The following KCND2 variants were observed in gnomAD, a reference collection of about 807,000 sequenced individuals.
KCND2 encodes the protein potassium voltage-gated channel subfamily D member 2.
KCND2 carries 16 observed loss-of-function variants against 54.4 expected under a neutral mutation model. That is an observed-to-expected ratio of 0.29 (90% CI 0.20 to 0.45). The LOEUF (loss-of-function observed/expected upper bound fraction) is 0.45. Among genes scored for constraint, KCND2 ranks in the 20% least tolerant of loss-of-function variants. The pLI, the probability that KCND2 is intolerant of heterozygous loss-of-function variation, is 1.00. For missense variants in KCND2, 486 were observed against 824.2 expected, an observed-to-expected ratio of 0.59 and a Z score of 5.02; for synonymous variants, 317 against 310.7, an observed-to-expected ratio of 1.02 and a Z score of -0.21.
chr7:120,305,442 A>G (rs1318444636), intron 1 of KCND2, among the ~76,000 whole-genome samples: 1 of 152,170 alleles, frequency 6.6e-6, no homozygotes, highest in African/African-American at 2.4e-5. Context: ...TCTTCAACCG[A>G]GAGACAATGA....
rs192038478 is a variant in KCND2 at position 120,465,565 on chromosome 7, G to T, written c.1115+189818G>T. On this transcript the variant is annotated intron_variant, in intron 1 of 5. Coordinates refer to ENST00000331113, the MANE Select transcript of KCND2 (RefSeq NM_012281.3). ...TTTAGAGAAGAAGAAAGTGGCAAACGCAAGAAGAGTTTCAGTGAAAACCTG... is the reference window on the plus strand; with the variant it reads ...TTTAGAGAAGAAGAAAGTGGCAAACTCAAGAAGAGTTTCAGTGAAAACCTG... Among the ~76,000 whole-genome samples the T allele has an allele frequency of 2.8e-3, 424 of 152,182 alleles. 2 individuals carry two copies. Among genetic ancestry groups the T allele is most frequent in the African/African-American group, 9.8e-3 (406 of 41,544 alleles).
At position 120,509,186 on chromosome 7, in the gene KCND2, A is replaced by G. The variant is rs145113208; in HGVS notation, c.1116-223717A>G. 3.9e-5 allele frequency among the ~76,000 whole-genome samples: 6 copies of G among 152,116 alleles called. No individual in the cohort carries two copies. In the East Asian group the frequency reaches 1.2e-3, roughly 29 times the overall value. On this transcript the variant is annotated intron_variant, in intron 1 of 5. Transcript: ENST00000331113. ...AATGGGAACTGAAGGAGTGATGACTACTAAATGTGATGTGGTATTCTGGAT... is the reference window on the plus strand; with the variant it reads ...AATGGGAACTGAAGGAGTGATGACTGCTAAATGTGATGTGGTATTCTGGAT...
chr7:120,390,728 T>G (rs1489240310), intron 1 of KCND2, among the ~76,000 whole-genome samples: 1 of 151,990 alleles, frequency 6.6e-6, no homozygotes, highest in African/African-American at 2.4e-5. Flanking sequence ...GTTCATCATT[T>G]TTTACTTGCT....
At chr7:120,403,689 T>G (rs1801302842) in intron 1 of KCND2, among the ~76,000 whole-genome samples, 2 of 151,968 alleles carry the variant, frequency 1.3e-5, no homozygotes, top group Non-Finnish European at 2.9e-5. Context: ...AATTTTTAAT[T>G]TAATTAAAAC....
chr7:120,367,628 ATCTTT>A (rs1800706468), intron 1 of KCND2, among the ~76,000 whole-genome samples: 1 of 150,940 alleles, frequency 6.6e-6, no homozygotes, highest in African/African-American at 2.4e-5. Context: ...TATGGTTAAC[ATCTTT>A]TCTTTTTCTT....
chr7:120,408,097 C>T (rs1801389523), intron 1 of KCND2, among the ~76,000 whole-genome samples: 1 of 151,640 alleles, frequency 6.6e-6, no homozygotes. Context: ...ATATCTAGTC[C>T]AAAAATATTT....
Position 120,634,281 on chromosome 7 carries a change from AT to A in KCND2, c.1116-98619del. On this transcript the variant is annotated intron_variant, in intron 1 of 5. Transcript: ENST00000331113. ...CAATGCCTTCCGACACCAATATTTTATTTATACTTTTATTTGAGAAAATATT... is the reference window on the plus strand; with the variant it reads ...CAATGCCTTCCGACACCAATATTTTATTATACTTTTATTTGAGAAAATATT... Among the ~76,000 whole-genome samples the A allele has an allele frequency of 2.0e-5, 3 of 152,284 alleles. No homozygotes were observed. The South Asian group carries it at 6.2e-4, about 32-fold the overall frequency.
At chr7:120,695,030 TGATGACTA>T (rs1250043768) in intron 1 of KCND2, among the ~76,000 whole-genome samples, 1 of 152,190 alleles carries the variant, frequency 6.6e-6, no homozygotes. Flanking sequence ...TAAACTGGAT[TGATGACTA>T]GATCCTTGAT....
At chr7:120,381,874 G>T (rs758415293) in intron 1 of KCND2, among the ~76,000 whole-genome samples, 2 of 151,856 alleles carry the variant, frequency 1.3e-5, no homozygotes, top group Non-Finnish European at 2.9e-5. Flanking sequence ...AAATGAAAAG[G>T]AGAAAACAAG....
At chr7:120,411,800 T>C (rs1365114588) in intron 1 of KCND2, among the ~76,000 whole-genome samples, 1 of 151,970 alleles carries the variant, frequency 6.6e-6, no homozygotes, top group African/African-American at 2.4e-5. Context: ...GGAAATATAG[T>C]ACATTTTTTA....
At chr7:120,745,205 C>T (rs372184275) in intron 4 of KCND2, among the ~76,000 whole-genome samples, 10 of 151,992 alleles carry the variant, frequency 6.6e-5, no homozygotes, top group East Asian at 3.9e-4. Flanking sequence ...ACTTATGTAA[C>T]GAATAAGTCA....
chr7:120,347,070 A>T (rs1271433027), intron 1 of KCND2, among the ~76,000 whole-genome samples: 7 of 152,080 alleles, frequency 4.6e-5, no homozygotes, highest in Admixed American at 4.6e-4. Flanking sequence ...CTGTAATATG[A>T]GCAACATTTA....
chr7:120,649,797 G>T (rs932118389), intron 1 of KCND2, among the ~76,000 whole-genome samples: 5 of 152,132 alleles, frequency 3.3e-5, no homozygotes, highest in Admixed American at 6.6e-5. Flanking sequence ...AGGAGCTCTT[G>T]TAGGGCAGGC....
chr7:120,596,531 C>G (rs1021589673), intron 1 of KCND2, among the ~76,000 whole-genome samples: 3 of 152,144 alleles, frequency 2.0e-5, no homozygotes, highest in African/African-American at 7.2e-5. Flanking sequence ...TTCTTAATCT[C>G]CGTAAAGTTG....
At position 120,601,673 on chromosome 7, in the gene KCND2, G is replaced by A. The variant is rs116440394; in HGVS notation, c.1116-131230G>A. On this transcript the variant is annotated intron_variant, in intron 1 of 5. Transcript: ENST00000331113. ...GCATATTTTACAACATGTTAAACTAGCATCAAATGATTTGAGAGTTGACCT... is the reference window on the plus strand; with the variant it reads ...GCATATTTTACAACATGTTAAACTAACATCAAATGATTTGAGAGTTGACCT... Among the ~76,000 whole-genome samples the A allele has an allele frequency of 5.2e-3, 793 of 152,216 alleles. 4 individuals are homozygous for A. Among genetic ancestry groups the A allele is most frequent in the African/African-American group, 0.017 (725 of 41,536 alleles).
chr7:120,303,185 CAGAAA>C (rs1799609648), intron 1 of KCND2, among the ~76,000 whole-genome samples: 1 of 151,956 alleles, frequency 6.6e-6, no homozygotes, highest in African/African-American at 2.4e-5. Flanking sequence ...CCATAGATTA[CAGAAA>C]AGAAAGGTGA....
chr7:120,360,250 G>A lies in KCND2; in HGVS notation c.1115+84503G>A, dbSNP rs535336372. ...ATCACCGAGTGCTCTTATAGGTTTT[G>A]CAGGGAAAGGGCACAAAGGTACATG... On this transcript the variant is annotated intron_variant, in intron 1 of 5. Coordinates refer to ENST00000331113, the MANE Select transcript of KCND2 (RefSeq NM_012281.3). Among the ~76,000 whole-genome samples, 126 of 152,150 alleles carry A rather than the reference G, an allele frequency of 8.3e-4. 2 individuals are homozygous for A. Among genetic ancestry groups the A allele is most frequent in the Admixed American group, 7.4e-3 (113 of 15,256 alleles).
intron 1 of KCND2, among the ~76,000 whole-genome samples, chr7:120,652,408 A>G (rs1015830955): frequency 3.3e-5 from 5 of 152,178 alleles, no homozygotes; most frequent in Admixed American, 6.5e-5. Context: ...GGATCAGAGT[A>G]GGAACAAGAA....
At position 120,275,378 on chromosome 7, in the gene KCND2, C is replaced by T. The variant is rs146220085; in HGVS notation, c.746C>T (p.Ala249Val). The change falls in exon 1 of 6, where the codon GCT becomes GTT. Residue 249 changes from alanine to valine, a missense_variant. Coordinates refer to ENST00000331113, the MANE Select transcript of KCND2 (RefSeq NM_012281.3). ...ACAGTTGAGTATTTGCTTCGCCTGG[C>T]TGCAGCGCCTAGTCGTTACCGTTTT... The part of the protein sequence containing the change: ...IFTVEYLLRL[A>V]AAPSRYRFVR... 1,016 of 1,613,834 alleles carry T rather than the reference C, an allele frequency of 6.3e-4. 3 individuals are homozygous for T. The highest frequency in any genetic ancestry group is 7.9e-4 in the Non-Finnish European group (935 of 1,179,974).
Sources: gnomAD v4.1 joint callset for allele counts (sites outside exome capture counted in the v4.1 genomes callset) on GRCh38, gnomAD v4.1.1 for gene constraint, MANE v1.5 for transcripts, NCBI Gene and HGNC (gene_info 2026-07-23, HGNC 2026-07-21) for gene names.